SH2D3A: variants seen among roughly 807,000 people sequenced by gnomAD.
SH2D3A encodes SH2 domain-containing protein 3A.
SH2D3A carries 46 observed loss-of-function variants against 50.6 expected under a neutral mutation model. The observed-to-expected ratio is 0.91, with a 90% CI of 0.72 to 1.16. The LOEUF (loss-of-function observed/expected upper bound fraction) is 1.16. Among genes scored for constraint, SH2D3A ranks in the 50% most tolerant of loss-of-function variants. The pLI is 0.00. For synonymous variants in SH2D3A, 377 were observed against 348.4 expected (o/e 1.08, Z -0.91); for missense variants, 783 against 786.2 (o/e 1.00, Z 0.05).
chr19:6,757,021 C>G (rs1358858213), intron 4 of SH2D3A, among the ~76,000 whole-genome samples: 1 of 152,040 alleles, frequency 6.6e-6, no homozygotes, highest in African/African-American at 2.4e-5. Context: ...CAGGCGCCAC[C>G]ACACCCAGCT....
chr19:6,760,786 G>C lies in SH2D3A; in HGVS notation c.271C>G (p.Leu91Val). ...EDEQFPSIPALVHSYMTGRRP... is the reference protein window; with the variant it reads ...EDEQFPSIPAVVHSYMTGRRP... The stretch of plus-strand genomic sequence containing the variant: ...CTGCCTGTCATATAACTGTGAACCA[G>C]AGCCGGTATGCTGGGGAATTGCTCA... The change falls in exon 3 of 10, where the codon CTG becomes GTG. Residue 91 changes from leucine to valine, a missense_variant. By Grantham distance (32) the Leu-to-Val change is conservative. Coordinates refer to ENST00000245908, the MANE Select transcript of SH2D3A (RefSeq NM_005490.3). 6.2e-7 allele frequency: 1 copy of C among 1,614,266 alleles called. No homozygotes were observed.
chr19:6,761,011 G>T, intron 2 of SH2D3A, 24 bp from the exon 3 acceptor site: 1 of 1,571,332 alleles, frequency 6.4e-7, no homozygotes, highest in Non-Finnish European at 8.7e-7. Flanking sequence ...TCAGGGGGCA[G>T]GGGAATTAGG....
Position 6,755,306 on chromosome 19 carries a change from G to T in SH2D3A, c.506C>A (p.Thr169Asn). The change falls in exon 5 of 10, where the codon ACC becomes AAC. Residue 169 changes from threonine (T) to asparagine (N), a missense_variant. Thr to Asn is a moderately conservative substitution (Grantham distance 65). Transcript: ENST00000245908. The stretch of plus-strand genomic sequence containing the variant: ...TCGGGGCAAGGCAGATATGGGCATG[G>T]TGGAGGCTTCTAGAGGTCATACAAG... ...REDPAGMEAS[T>N]MPISALPRTS... The T allele has an allele frequency of 6.6e-7, 1 of 1,512,652 alleles. No homozygotes were observed. The highest frequency in any genetic ancestry group is 8.8e-7 in the Non-Finnish European group (1 of 1,130,532). The allele number at this position is 1,512,652 out of a possible 1,614,324, so 93.7% of individuals were successfully genotyped here.
In SH2D3A at chr19:6,754,238, G is replaced by A; in HGVS notation, c.1272+13C>T. 1 of 1,603,186 alleles carries A rather than the reference G, an allele frequency of 6.2e-7. No individual in the cohort carries two copies. ...CGCACTCCAGCTTCCTCCAGTCCCT[G>A]CTCCCCACGAACCTGGGGCATGAGC... On this transcript the variant is annotated intron_variant, in intron 7 of 9. Transcript: ENST00000245908.
chr19:6,766,714 C>T (rs1205354013), intron 1 of SH2D3A, among the ~76,000 whole-genome samples: 1 of 152,170 alleles, frequency 6.6e-6, no homozygotes, highest in Non-Finnish European at 1.5e-5. Flanking sequence ...CAGTCGGCTG[C>T]GCAAGACAGA....
chr19:6,758,689 T>C (rs1969837342), intron 4 of SH2D3A: 1 of 152,302 alleles, frequency 6.6e-6, no homozygotes, highest in Admixed American at 6.5e-5. Flanking sequence ...TCTCGTGGAC[T>C]GTTGGCTCCC....
chr19:6,760,901 G>T lies in SH2D3A; in HGVS notation c.156C>A (p.Arg52=), dbSNP rs776442591. The part of the protein sequence containing the change: ...SRGGNPVISC[R]WRGSALHFEV... ...CAAAATGGAGGGCTGAGCCCCGCCA[G>T]CGGCAGGAGATCACGGGGTTGCCCC... Residue 52 remains arginine, a synonymous_variant, in exon 3 of 10, where the codon CGC becomes CGA. Transcript: ENST00000245908. 1.2e-6 allele frequency: 2 copies of T among 1,614,238 alleles called. No homozygotes were observed. Among genetic ancestry groups the T allele is most frequent in the East Asian group, 2.2e-5 (1 of 44,894 alleles).
rs1238263553 is a variant in SH2D3A, at chr19:6,753,514, C to T, written c.1512G>A (p.Ala504=). 8 of 1,557,622 alleles carry T rather than the reference C, an allele frequency of 5.1e-6. No individual in the cohort carries two copies. In the East Asian group the frequency reaches 1.2e-4, roughly 23 times the overall value. The change falls in exon 9 of 10, where the codon GCG becomes GCA. Residue 504 remains alanine (A), a synonymous_variant. Coordinates refer to ENST00000245908, the MANE Select transcript of SH2D3A (RefSeq NM_005490.3). ...CERLLRTLHG[A]RHMVRDAPKF... ...TGGGTGCGTCCCGGACCATGTGACG[C>T]GCCCCGTGCAGGGTGCGCAACAGCC...
chr19:6,765,732 A>G (rs1204054565), intron 1 of SH2D3A, among the ~76,000 whole-genome samples: 1 of 144,882 alleles, frequency 6.9e-6, no homozygotes, highest in Non-Finnish European at 1.5e-5. Context: ...TGGGTGACAG[A>G]GCAAGACTCC....
Position 6,755,311 on chromosome 19 carries a change from G to A in SH2D3A, c.501C>T (p.Ala167=). Residue 167 remains alanine, a synonymous_variant, in exon 5 of 10, where the codon GCC becomes GCT. Transcript: ENST00000245908. The part of the protein sequence containing the change: ...RSREDPAGME[A]STMPISALPR... ...GCAAGGCAGATATGGGCATGGTGGAGGCTTCTAGAGGTCATACAAGAGGGG... is the reference window on the plus strand; with the variant it reads ...GCAAGGCAGATATGGGCATGGTGGAAGCTTCTAGAGGTCATACAAGAGGGG... 5.3e-6 allele frequency: 8 copies of A among 1,505,446 alleles called. No individual in the cohort carries two copies. The highest frequency in any genetic ancestry group is 7.1e-6 in the Non-Finnish European group (8 of 1,126,474). 93.3% of individuals were successfully genotyped at this position (1,505,446 alleles called of 1,614,324 possible).
chr19:6,754,226 C>T (rs1701727811), intron 7 of SH2D3A, 25 bp downstream of exon 7: 2 of 1,605,064 alleles, frequency 1.2e-6, no homozygotes, highest in Admixed American at 3.4e-5. Flanking sequence ...ACTCCAGCTT[C>T]CTCCAGTCCC....
rs766038153 is a variant in SH2D3A at position 6,761,100 on chromosome 19, C to A, written c.70-113G>T. 8.4e-6 allele frequency: 7 copies of A among 835,800 alleles called. No homozygotes were observed. The Admixed American group carries it at 1.8e-4, about 21-fold the overall frequency. The allele number at this position is 835,800 out of a possible 1,614,324, so 51.8% of individuals were successfully genotyped here. Reference sequence around the variant, plus strand: ...CCCAAGAAAAGCTACCCCAGTGAAACTTCTGTGGCAGGCAAAGACGGGGAA... The same window carrying A: ...CCCAAGAAAAGCTACCCCAGTGAAAATTCTGTGGCAGGCAAAGACGGGGAA... On this transcript the variant is annotated intron_variant, in intron 2 of 9. Transcript: ENST00000245908.
chr19:6,752,594 C>G lies in SH2D3A; in HGVS notation c.1730G>C (p.Ter577SerextTer54). 6.5e-7 allele frequency: 1 copy of G among 1,546,450 alleles called. No homozygotes were observed. Among genetic ancestry groups the G allele is most frequent in the Non-Finnish European group, 8.8e-7 (1 of 1,142,784 alleles). The part of the protein sequence containing the change: ...VLSQRLEPDR[*>S] ...GTGTGAAGAAGGGTGTCTGCGCTCT[C>G]AGCGGTCAGGCTCCAGGCGCTGCGA... The change falls in exon 10 of 10, where the codon TGA (stop) becomes TCA (serine). Residue 577 changes from the stop codon to serine (S), a stop_lost. Transcript: ENST00000245908.
intron 1 of SH2D3A, among the ~76,000 whole-genome samples, chr19:6,765,779 CAGGGTTAAGATTTTTA>C (rs1970274953): frequency 6.6e-6 from 1 of 151,448 alleles, no homozygotes. Flanking sequence ...AATGTAACCC[CAGGGTTAAGATTTTTA>C]AAAGGTCACA....
intron 1 of SH2D3A, among the ~76,000 whole-genome samples, chr19:6,764,872 A>ATTTTTTTT (rs55670461): frequency 1.3e-4 from 13 of 103,106 alleles, no homozygotes; most frequent in African/African-American, 1.7e-4. Flanking sequence ...TACCTGGCTA[A>ATTTTTTTT]TTTTTTTTTT....
chr19:6,756,379 T>A (rs1969678470), intron 4 of SH2D3A, among the ~76,000 whole-genome samples: 1 of 151,674 alleles, frequency 6.6e-6, no homozygotes, highest in African/African-American at 2.4e-5. Context: ...CAAAGCTGCG[T>A]ATGGTATGAC....
chr19:6,755,353 G>A, intron 4 of SH2D3A, 38 bp from the exon 5 acceptor site: 1 of 1,404,474 alleles, frequency 7.1e-7, no homozygotes, highest in Admixed American at 2.4e-5. Flanking sequence ...GGAATACACA[G>A]GGAAGATTGC....
At position 6,763,749 on chromosome 19, in the gene SH2D3A, G is replaced by T; in HGVS notation, c.-1C>A. 1.2e-6 allele frequency: 2 copies of T among 1,612,358 alleles called. No individual in the cohort carries two copies. Among genetic ancestry groups the T allele is most frequent in the Non-Finnish European group, 1.7e-6 (2 of 1,179,502 alleles). ...CTTCTCCATCCTGTGGCACCTGCAT[G>T]GAGCTCTTGGGAACAGAGGGTGCCA... On this transcript the variant is annotated 5_prime_UTR_variant, in exon 2 of 10. Coordinates refer to ENST00000245908, the MANE Select transcript of SH2D3A (RefSeq NM_005490.3).
At chr19:6,760,303 G>C (rs554493521) in intron 3 of SH2D3A, among the ~76,000 whole-genome samples, 1 of 152,218 alleles carries the variant, frequency 6.6e-6, no homozygotes, top group Non-Finnish European at 1.5e-5. Context: ...TTGAACCCGG[G>C]AGGCGGAGGT....
Sources: gnomAD v4.1 joint callset for allele counts (sites outside exome capture counted in the v4.1 genomes callset) on GRCh38, gnomAD v4.1.1 for gene constraint, MANE v1.5 for transcripts, NCBI Gene and HGNC (gene_info 2026-07-23, HGNC 2026-07-21) for gene names.